Variants in CNTNAP5 observed in about 807,000 individuals in gnomAD.
The protein encoded by CNTNAP5 is contactin-associated protein-like 5.
Under a neutral mutation model 150.2 loss-of-function variants are expected in CNTNAP5, and 72 were observed. That is an observed-to-expected ratio of 0.48 (90% confidence interval 0.40 to 0.58). The LOEUF is 0.58. CNTNAP5 is among the 20% of genes least tolerant of loss of function. The pLI, the probability that CNTNAP5 is intolerant of heterozygous loss-of-function variation, is 0.00. For missense variants in CNTNAP5, 1,636 were observed against 1,626.2 expected (o/e 1.01, Z -0.10); for synonymous variants, 672 against 619.8 (o/e 1.08, Z -1.25).
chr2:124,478,553 C>T (rs1272642988), intron 7 of CNTNAP5, among the ~76,000 whole-genome samples: 1 of 152,050 alleles, frequency 6.6e-6, no homozygotes, highest in Admixed American at 6.6e-5. Flanking sequence ...TATTTATATA[C>T]CTAGTCTATC....
intron 13 of CNTNAP5, among the ~76,000 whole-genome samples, chr2:124,681,711 A>T (rs1484224633): frequency 1.3e-5 from 2 of 152,030 alleles, no homozygotes; most frequent in Admixed American, 6.5e-5. Flanking sequence ...CTACAGGTGC[A>T]TGCCACCATG....
At position 124,780,164 on chromosome 2, in the gene CNTNAP5, T is replaced by G. The variant is rs546815100; in HGVS notation, c.2752+7147T>G. Among the ~76,000 whole-genome samples the G allele has an allele frequency of 8.5e-5, 13 of 152,266 alleles. No homozygotes were observed. The South Asian group carries it at 2.5e-3, about 29-fold the overall frequency. On this transcript the variant is annotated intron_variant, in intron 17 of 23. Transcript: ENST00000682447. ...TTAATAATAATCAATAGCTTGCAAA[T>G]CAGTTTCAAACATTGAATGCAGCAA...
intron 11 of CNTNAP5, among the ~76,000 whole-genome samples, chr2:124,595,731 A>G: frequency 2.4e-5 from 2 of 82,200 alleles, no homozygotes; most frequent in Non-Finnish European, 4.8e-5. Context: ...TCCTCCTTGT[A>G]CCTCTGGTAG....
intron 1 of CNTNAP5, among the ~76,000 whole-genome samples, chr2:124,031,469 C>T (rs1681047390): frequency 6.6e-6 from 1 of 152,090 alleles, no homozygotes; most frequent in South Asian, 2.1e-4. Context: ...TTTGGAAATA[C>T]CAAGAAGCGG....
chr2:124,311,089 C>T (rs540801072), intron 3 of CNTNAP5, among the ~76,000 whole-genome samples: 15 of 152,196 alleles, frequency 9.9e-5, no homozygotes, highest in Admixed American at 2.6e-4. Flanking sequence ...AGTCTTCTCA[C>T]GTCTTCCTAA....
intron 8 of CNTNAP5, 147 bp downstream of exon 8, chr2:124,504,703 A>ATTTTTTTTTTTTTTTTTTTTTTTT (rs34518488): frequency 2.9e-6 from 1 of 346,892 alleles, no homozygotes; most frequent in Non-Finnish European, 4.9e-6. Flanking sequence ...AAGAGGCAGC[A>ATTTTTTTTTTTTTTTTTTTTTTTT]TTTTTTTTTT....
intron 13 of CNTNAP5, among the ~76,000 whole-genome samples, chr2:124,735,725 A>G (rs368537458): frequency 6.6e-6 from 1 of 152,190 alleles, no homozygotes; most frequent in African/African-American, 2.4e-5. Flanking sequence ...TAAATTCAAG[A>G]TCCTTTTTAT....
chr2:124,346,601 A>G (rs1689742048), intron 3 of CNTNAP5, among the ~76,000 whole-genome samples: 1 of 152,164 alleles, frequency 6.6e-6, no homozygotes, highest in African/African-American at 2.4e-5. Context: ...TTCTTTTTCA[A>G]TGGCACCTGC....
chr2:124,396,375 G>A (rs1484522341), intron 3 of CNTNAP5, among the ~76,000 whole-genome samples: 4 of 152,152 alleles, frequency 2.6e-5, no homozygotes, highest in Non-Finnish European at 5.9e-5. Flanking sequence ...CCTGGTATTG[G>A]TGCAGAGGAG....
intron 1 of CNTNAP5, among the ~76,000 whole-genome samples, chr2:124,210,189 T>C (rs949627462): frequency 1.3e-5 from 2 of 152,232 alleles, no homozygotes; most frequent in Non-Finnish European, 2.9e-5. Context: ...TGACATATTA[T>C]GACTTGCCAT....
At chr2:124,462,016 AT>A (rs1318690256) in intron 6 of CNTNAP5, among the ~76,000 whole-genome samples, 1 of 152,142 alleles carries the variant, frequency 6.6e-6, no homozygotes, top group Non-Finnish European at 1.5e-5. Context: ...TATGTATGGC[AT>A]TTTAAAATTT....
chr2:124,101,384 T>C (rs1683058125), intron 1 of CNTNAP5, among the ~76,000 whole-genome samples: 1 of 152,136 alleles, frequency 6.6e-6, no homozygotes, highest in Non-Finnish European at 1.5e-5. Context: ...TTAATAAGAA[T>C]CCTTCCTTGT....
chr2:124,174,404 A>G (rs1685013553), intron 1 of CNTNAP5, among the ~76,000 whole-genome samples: 1 of 152,198 alleles, frequency 6.6e-6, no homozygotes, highest in Non-Finnish European at 1.5e-5. Context: ...GCCACTAATA[A>G]CATCTGTGAT....
chr2:124,031,193 G>A (rs1162169775), intron 1 of CNTNAP5, among the ~76,000 whole-genome samples: 1 of 151,820 alleles, frequency 6.6e-6, no homozygotes, highest in Non-Finnish European at 1.5e-5. Flanking sequence ...CATATCAAGT[G>A]TCCCTATATA....
At position 124,251,039 on chromosome 2, in the gene CNTNAP5, C is replaced by T. The variant is rs750220251; in HGVS notation, c.381+8646C>T. Among the ~76,000 whole-genome samples the T allele has an allele frequency of 2.6e-5, 4 of 152,172 alleles. No homozygotes were observed. The South Asian group carries it at 8.3e-4, about 32-fold the overall frequency. On this transcript the variant is annotated intron_variant, in intron 3 of 23. Coordinates refer to ENST00000682447, the MANE Select transcript of CNTNAP5 (RefSeq NM_001367498.1). Reference sequence around the variant, plus strand: ...TGCAAACAAAATAAGTGTGAGCAGGCGTTGCTCTTGTGTTTCACGTCTCTG... The same window carrying T: ...TGCAAACAAAATAAGTGTGAGCAGGTGTTGCTCTTGTGTTTCACGTCTCTG...
intron 13 of CNTNAP5, among the ~76,000 whole-genome samples, chr2:124,736,889 C>T (rs900328837): frequency 6.6e-6 from 1 of 152,098 alleles, no homozygotes; most frequent in Non-Finnish European, 1.5e-5. Context: ...GTTGGATATA[C>T]AGTCATGAAC....
chr2:124,255,266 T>G (rs538943340), intron 3 of CNTNAP5, among the ~76,000 whole-genome samples: 1 of 152,234 alleles, frequency 6.6e-6, no homozygotes, highest in African/African-American at 2.4e-5. Flanking sequence ...AGCTCACACC[T>G]GTAATCCCAG....
chr2:124,612,986 A>G (rs1257464392), intron 12 of CNTNAP5, among the ~76,000 whole-genome samples: 3 of 152,174 alleles, frequency 2.0e-5, no homozygotes, highest in Non-Finnish European at 4.4e-5. Flanking sequence ...TGGGAGGCAG[A>G]GATTGCAGTG....
intron 19 of CNTNAP5, among the ~76,000 whole-genome samples, chr2:124,810,702 G>T (rs987031448): frequency 2.0e-5 from 3 of 152,104 alleles, no homozygotes; most frequent in African/African-American, 7.2e-5. Context: ...AACAGGCCAG[G>T]TATTTCGGGA....
Sources: gnomAD v4.1 joint callset for allele counts (sites outside exome capture counted in the v4.1 genomes callset) on GRCh38, gnomAD v4.1.1 for gene constraint, MANE v1.5 for transcripts, NCBI Gene and HGNC (gene_info 2026-07-23, HGNC 2026-07-21) for gene names.